The following CNTNAP3 variants were observed in gnomAD, a reference collection of about 807,000 sequenced individuals.
CNTNAP3 encodes contactin-associated protein-like 3.
A neutral mutation model predicts 92.1 loss-of-function variants in CNTNAP3; 36 were observed. The ratio of observed to expected loss-of-function variants is 0.39; its 90% CI spans 0.30 to 0.52. The LOEUF is 0.52. CNTNAP3 is among the 20% of genes least tolerant of loss of function. CNTNAP3 has a pLI of 0.76. For missense variants in CNTNAP3, 534 were observed against 1,069.6 expected (o/e 0.50, Z 6.98); for synonymous variants, 232 against 422.3 (o/e 0.55, Z 5.53).
intron 15 of CNTNAP3, among the ~76,000 whole-genome samples, chr9:39,107,703 G>A (rs1826641539): frequency 6.6e-6 from 1 of 152,004 alleles, no homozygotes; most frequent in Non-Finnish European, 1.5e-5. Flanking sequence ...CATAGGAGAA[G>A]GACAAAGAGA....
intron 21 of CNTNAP3, among the ~76,000 whole-genome samples, chr9:39,082,523 A>G: frequency 6.6e-6 from 1 of 152,152 alleles, no homozygotes; most frequent in Non-Finnish European, 1.5e-5. Flanking sequence ...AGGTGTTTTC[A>G]TTCTGTAATG....
intron 18 of CNTNAP3, among the ~76,000 whole-genome samples, chr9:39,094,159 ACT>A (rs1479463448): frequency 2.6e-5 from 4 of 151,042 alleles, no homozygotes; most frequent in Non-Finnish European, 4.4e-5. Context: ...GTGATTATTG[ACT>A]CTGTATATCT....
At chr9:39,142,262 T>C (rs1412939169) in intron 11 of CNTNAP3, among the ~76,000 whole-genome samples, 3 of 152,168 alleles carry the variant, frequency 2.0e-5, no homozygotes, top group Non-Finnish European at 4.4e-5. Flanking sequence ...TTAGGTAAGA[T>C]ACTATGCCTG....
At position 39,112,921 on chromosome 9, in the gene CNTNAP3, AC is replaced by A. The variant is rs1404042237; in HGVS notation, c.2238-3635del. 2.0e-5 allele frequency among the ~76,000 whole-genome samples: 3 copies of A among 152,126 alleles called. No homozygotes were observed. In the East Asian group the frequency reaches 5.8e-4, roughly 29 times the overall value. ...CCTTAATTTCCATATGAATTTTAAA[AC>A]CAGGTTGCTGCAATCCACACAAGTA... On this transcript the variant is annotated intron_variant, in intron 14 of 23. Transcript: ENST00000297668.
At chr9:39,140,738 T>C in intron 11 of CNTNAP3, 100 bp from the exon 12 acceptor site, 1 of 1,457,032 alleles carries the variant, frequency 6.9e-7, no homozygotes, top group Non-Finnish European at 9.1e-7. Context: ...ATGTGATACA[T>C]ATGACCCAAC....
Position 39,066,461 on chromosome 9 carries a change from T to C in CNTNAP3, c.*7429A>G, listed in dbSNP as rs1183438474. ...CTCTTCATTTCTTTGTGTGGATCCA[T>C]GTTTCTATCTGCACAAAGATATTAT... On this transcript the variant is annotated 3_prime_UTR_variant, in exon 24 of 24. Transcript: ENST00000297668. Among the ~76,000 whole-genome samples, 89 of 152,300 alleles carry C rather than the reference T, an allele frequency of 5.8e-4. No homozygotes were observed. The highest frequency in any genetic ancestry group is 2.1e-3 in the African/African-American group (86 of 41,560).
intron 13 of CNTNAP3, among the ~76,000 whole-genome samples, chr9:39,118,909 A>T (rs572896030): frequency 1.3e-5 from 2 of 152,286 alleles, no homozygotes; most frequent in African/African-American, 4.8e-5. Flanking sequence ...CCTCCTTCTC[A>T]GCACTGACAA....
At chr9:39,159,641 TAGATAGATAGATAGATAGATAG>T (rs1295969106) in intron 9 of CNTNAP3, 2 of 137,324 alleles carry the variant, frequency 1.5e-5, no homozygotes, top group Non-Finnish European at 3.0e-5. Context: ...GATAGATAGA[TAGATAGATAGATAGATAGATAG>T]ATAGATAGAT....
At chr9:39,081,628 G>T (rs997644914) in intron 21 of CNTNAP3, among the ~76,000 whole-genome samples, 2 of 151,644 alleles carry the variant, frequency 1.3e-5, no homozygotes, top group African/African-American at 4.8e-5. Context: ...TTTGAGATAG[G>T]GTTGTCTTCC....
chr9:39,124,365 GA>G (rs1360410193), intron 13 of CNTNAP3, among the ~76,000 whole-genome samples: 2 of 151,866 alleles, frequency 1.3e-5, no homozygotes, highest in Admixed American at 1.3e-4. Context: ...GGGAATTCAG[GA>G]AAAAAAGAAG....
chr9:39,139,030 G>A (rs1317227515), intron 12 of CNTNAP3, among the ~76,000 whole-genome samples: 2 of 152,126 alleles, frequency 1.3e-5, no homozygotes, highest in Non-Finnish European at 2.9e-5. Flanking sequence ...TATTAGAGTA[G>A]TTTGAAATTG....
chr9:39,095,940 AAGTAAATATTTAT>A (rs1437529457), intron 18 of CNTNAP3, among the ~76,000 whole-genome samples: 3 of 151,658 alleles, frequency 2.0e-5, no homozygotes, highest in Non-Finnish European at 3.0e-5. Flanking sequence ...AAAAAAGATC[AAGTAAATATTTAT>A]AGACTTTGTC....
At chr9:39,131,542 AGGGCC>A (rs1249539887) in intron 13 of CNTNAP3, among the ~76,000 whole-genome samples, 2 of 151,288 alleles carry the variant, frequency 1.3e-5, no homozygotes, top group African/African-American at 4.9e-5. Flanking sequence ...TAAGAGTGTG[AGGGCC>A]GGGCGCGGTG....
rs1440707713 is a variant in CNTNAP3, at chr9:39,099,907, T to C, written c.2995+4A>G. 1 of 1,611,016 alleles carries C rather than the reference T, an allele frequency of 6.2e-7. No individual in the cohort carries two copies. The highest frequency in any genetic ancestry group is 2.2e-5 in the East Asian group (1 of 44,860). Reference sequence around the variant, plus strand: ...CCTATAACCTGCTCCTTGGTCACACTTACCATTGGAGCAGAACGGCCCATC... The same window carrying C: ...CCTATAACCTGCTCCTTGGTCACACCTACCATTGGAGCAGAACGGCCCATC... On this transcript the variant is annotated splice_donor_region_variant and intron_variant, in intron 18 of 23. Transcript: ENST00000297668.
intron 3 of CNTNAP3, among the ~76,000 whole-genome samples, chr9:39,209,741 C>T (rs1218904488): frequency 2.9e-5 from 1 of 34,650 alleles, no homozygotes; most frequent in Admixed American, 3.8e-4. Context: ...CAGCACCCTG[C>T]CCCTCGCCCC....
intron 9 of CNTNAP3, among the ~76,000 whole-genome samples, chr9:39,162,089 T>C (rs1243647866): frequency 9.2e-6 from 1 of 108,970 alleles, no homozygotes; most frequent in Non-Finnish European, 1.7e-5. Context: ...TCACAAATTA[T>C]GCATCTGACA....
intron 15 of CNTNAP3, among the ~76,000 whole-genome samples, chr9:39,108,169 A>G (rs1025998632): frequency 2.0e-5 from 3 of 152,094 alleles, no homozygotes; most frequent in African/African-American, 2.4e-5. Context: ...ACAATCCATC[A>G]GCCCAGGTGG....
chr9:39,150,020 C>T (rs1173555220), intron 9 of CNTNAP3, 43 bp from the exon 10 acceptor site: 3 of 1,591,168 alleles, frequency 1.9e-6, no homozygotes, highest in African/African-American at 2.7e-5. Flanking sequence ...ACAACTATGA[C>T]AAAACTATTC....
intron 21 of CNTNAP3, among the ~76,000 whole-genome samples, chr9:39,082,133 T>C (rs1825959345): frequency 6.7e-6 from 1 of 149,838 alleles, no homozygotes; most frequent in South Asian, 2.1e-4. Flanking sequence ...TTAAATAAAA[T>C]GTAAAATTTA....
Sources: allele counts gnomAD v4.1 joint callset (sites outside exome capture counted in the v4.1 genomes callset), GRCh38; gene constraint gnomAD v4.1.1; transcripts MANE v1.5; gene names NCBI Gene and HGNC (gene_info 2026-07-23, HGNC 2026-07-21).